DLG5: variants seen among roughly 807,000 people sequenced by gnomAD.
The protein encoded by DLG5 is disks large homolog 5.
A neutral mutation model predicts 189.8 loss-of-function variants in DLG5; 48 were observed. That is an observed-to-expected ratio of 0.25 (90% CI 0.20 to 0.32). DLG5 has a LOEUF of 0.32. DLG5 is among the 10% of genes least tolerant of loss of function. The pLI is 1.00. For synonymous variants in DLG5, 1,016 were observed against 1,054.1 expected, an observed-to-expected ratio of 0.96 and a Z score of 0.70; for missense variants, 2,160 against 2,544.7, an observed-to-expected ratio of 0.85 and a Z score of 3.25.
chr10:77,798,673 C>T (rs1004407897), intron 27 of DLG5, among the ~76,000 whole-genome samples: 1 of 152,172 alleles, frequency 6.6e-6, no homozygotes, highest in East Asian at 1.9e-4. Flanking sequence ...GGTGATTCGT[C>T]GTGGGCCGCT....
chr10:77,838,013 G>A lies in DLG5; in HGVS notation c.1438-2091C>T, dbSNP rs559152890. On this transcript the variant is annotated intron_variant, in intron 7 of 31. Transcript: ENST00000372391. The stretch of plus-strand genomic sequence containing the variant: ...TGGTGCCCCTGAGCAGATGGCTCTC[G>A]GGTGAGGGCACCTCCCTCTGCTTCC... 4.6e-5 allele frequency among the ~76,000 whole-genome samples: 7 copies of A among 152,274 alleles called. No homozygotes were observed. In the South Asian group the frequency reaches 1.2e-3, roughly 27 times the overall value.
Position 77,809,529 on chromosome 10 carries a change from C to A in DLG5, c.4647+18G>T. The A allele has an allele frequency of 6.2e-7, 1 of 1,604,062 alleles. No individual in the cohort carries two copies. ...CAGGTAGATGGAGGCCTGGCCTGCT[C>A]AGCAGCTCAGAACTCACCTCCAGGA... On this transcript the variant is annotated intron_variant, in intron 24 of 31. Transcript: ENST00000372391.
intron 1 of DLG5, among the ~76,000 whole-genome samples, chr10:77,876,467 C>G (rs1218887148): frequency 6.6e-6 from 1 of 151,828 alleles, no homozygotes; most frequent in Middle Eastern, 3.4e-3. Flanking sequence ...CTCCACCTCC[C>G]AGGTTCAAGC....
At position 77,821,194 on chromosome 10, in the gene DLG5, T is replaced by C. The variant is rs781210897; in HGVS notation, c.3290A>G (p.Asp1097Gly). Reference sequence around the variant, plus strand: ...CTCATCCACCTTCTGGGAGGTGAGGTCCTCATCACAGGATTTCTTGGCCGG... The same window carrying C: ...CTCATCCACCTTCTGGGAGGTGAGGCCCTCATCACAGGATTTCTTGGCCGG... The part of the protein sequence containing the change: ...HLPAKKSCDE[D>G]LTSQKVDELG... The change falls in exon 15 of 32, where the codon GAC (aspartate) becomes GGC (glycine). Residue 1097 changes from aspartate (D) to glycine (G), a missense_variant. Physicochemically the swap from Asp to Gly is moderately conservative, Grantham distance 94. Transcript: ENST00000372391. 1 of 1,614,006 alleles carries C rather than the reference T, an allele frequency of 6.2e-7. No homozygotes were observed. Among genetic ancestry groups the C allele is most frequent in the South Asian group, 1.1e-5 (1 of 91,074 alleles).
intron 1 of DLG5, among the ~76,000 whole-genome samples, chr10:77,883,937 G>C (rs934857810): frequency 1.3e-5 from 2 of 152,144 alleles, no homozygotes; most frequent in African/African-American, 4.8e-5. Context: ...GACCTCAGGG[G>C]ATTCACCCAC....
chr10:77,845,728 T>C (rs1474136275), intron 5 of DLG5, among the ~76,000 whole-genome samples: 1 of 152,064 alleles, frequency 6.6e-6, no homozygotes, highest in Non-Finnish European at 1.5e-5. Flanking sequence ...CCTTTATTTA[T>C]TTTTAAAGCA....
Position 77,833,918 on chromosome 10 carries a change from G to A in DLG5, c.1744C>T (p.Leu582Phe), listed in dbSNP as rs910595949. ...CGGGTGCCCACCCGAGCCTACTTGA[G>A]CTCCTTCAGCTCGCGGCTGACATCA... ...KNDVSRELKE[L>F]KEQMESQLEK... The change falls in exon 9 of 32, where the codon CTC becomes TTC. Residue 582 changes from leucine to phenylalanine, a missense_variant. Around this residue, in one of 5 missense-constraint regions of DLG5, gnomAD observed 664 missense variants for 838.5 expected, o/e 0.79. Transcript: ENST00000372391. 6.2e-7 allele frequency: 1 copy of A among 1,606,232 alleles called. No homozygotes were observed. Among genetic ancestry groups the A allele is most frequent in the African/African-American group, 1.3e-5 (1 of 74,912 alleles).
At chr10:77,906,681 G>A (rs1846079691) in intron 1 of DLG5, among the ~76,000 whole-genome samples, 1 of 142,646 alleles carries the variant, frequency 7.0e-6, no homozygotes, top group Admixed American at 7.4e-5. Context: ...CTGGAGTGCA[G>A]TGGCACAATC....
In DLG5 at chr10:77,811,958, G is replaced by A. The variant is rs540247706; in HGVS notation, c.4288C>T (p.His1430Tyr). 1.2e-6 allele frequency: 2 copies of A among 1,609,132 alleles called. No homozygotes were observed. The highest frequency in any genetic ancestry group is 1.7e-5 in the Admixed American group (1 of 60,006). Residue 1430 changes from histidine (H) to tyrosine (Y), a missense_variant, in exon 22 of 32, where the codon CAC (histidine) becomes TAC (tyrosine). This residue lies in a region of DLG5 where 574 missense variants were observed against 644.2 expected (regional missense o/e 0.89). Coordinates refer to ENST00000372391, the MANE Select transcript of DLG5 (RefSeq NM_004747.4). ...GAGTGGCTGCTGAGCTGGTGCACGT[G>A]GGGGTTGTACTGGGCCAGGATGGTG... ...TITILAQYNP[H>Y]VHQLSSHSRS...
chr10:77,896,727 G>A (rs1233524826), intron 1 of DLG5, among the ~76,000 whole-genome samples: 1 of 151,862 alleles, frequency 6.6e-6, no homozygotes, highest in Non-Finnish European at 1.5e-5. Context: ...GCTGAGGCAG[G>A]AGAATCGCTT....
rs979290167 is a variant in DLG5 at position 77,820,740 on chromosome 10, A to G, written c.3402+342T>C. On this transcript the variant is annotated intron_variant, in intron 15 of 31. Transcript: ENST00000372391. ...ACGCAATCAGGCCGTCCCGCTGCCC[A>G]CTCAGCCTCACACGTGCCACCTCAT... 26 of 308,116 alleles carry G rather than the reference A, an allele frequency of 8.4e-5. No homozygotes were observed. In the East Asian group the frequency reaches 1.4e-3, roughly 17 times the overall value. 19.1% of individuals were successfully genotyped at this position (308,116 alleles called of 1,614,324 possible).
At chr10:77,850,409 T>C (rs990302153) in intron 5 of DLG5, among the ~76,000 whole-genome samples, 7 of 152,264 alleles carry the variant, frequency 4.6e-5, no homozygotes, top group Non-Finnish European at 8.8e-5. Flanking sequence ...AATATTCCAT[T>C]GTATGGATAG....
intron 11 of DLG5, among the ~76,000 whole-genome samples, chr10:77,829,815 T>C (rs1428265297): frequency 6.6e-6 from 1 of 152,226 alleles, no homozygotes; most frequent in Non-Finnish European, 1.5e-5. Context: ...GCCTACCTTG[T>C]AGGATTGTAA....
chr10:77,904,487 T>C (rs1303097485), intron 1 of DLG5, among the ~76,000 whole-genome samples: 3 of 152,190 alleles, frequency 2.0e-5, no homozygotes, highest in African/African-American at 4.8e-5. Context: ...GCTGTGTCCC[T>C]ATTCAAATCT....
At position 77,924,840 on chromosome 10, in the gene DLG5, TCTCTGTCA is replaced by T. The variant is rs956385112; in HGVS notation, c.304+1369_304+1376del. On this transcript the variant is annotated intron_variant, in intron 1 of 31. Transcript: ENST00000372391. The stretch of plus-strand genomic sequence containing the variant: ...CTGCTGTGTGGCCAGCAATTTAGTC[TCTCTGTCA>T]GTTTCCTGCAGCTACAAAAATTGAG... Among the ~76,000 whole-genome samples, 46 of 100,768 alleles carry T rather than the reference TCTCTGTCA, an allele frequency of 4.6e-4. No homozygotes were observed. In the Middle Eastern group the frequency reaches 0.021, roughly 46 times the overall value. 66.1% of individuals were successfully genotyped at this position (100,768 alleles called of 152,430 possible).
chr10:77,812,075 T>A lies in DLG5; in HGVS notation c.4189-18A>T. 1 of 1,607,498 alleles carries A rather than the reference T, an allele frequency of 6.2e-7. No homozygotes were observed. The highest frequency in any genetic ancestry group is 8.5e-7 in the Non-Finnish European group (1 of 1,179,622). ...CCGTTGAACTGGGGAAACACCAGGA[T>A]GGGCTCAGTGGGGGGGTCGGGGCTG... On this transcript the variant is annotated intron_variant, in intron 21 of 31. Coordinates refer to ENST00000372391, the MANE Select transcript of DLG5 (RefSeq NM_004747.4).
At chr10:77,893,305 G>T (rs566095091) in intron 1 of DLG5, among the ~76,000 whole-genome samples, 1 of 152,322 alleles carries the variant, frequency 6.6e-6, no homozygotes, top group Non-Finnish European at 1.5e-5. Context: ...ACTGTCAGGG[G>T]ACAAAGGTAT....
chr10:77,869,132 C>T lies in DLG5; in HGVS notation c.370G>A (p.Val124Met), dbSNP rs760044896. The change falls in exon 2 of 32, where the codon GTG (valine) becomes ATG (methionine). Residue 124 changes from valine to methionine, a missense_variant. Around this residue, in one of 5 missense-constraint regions of DLG5, gnomAD observed 664 missense variants for 838.5 expected, o/e 0.79. Transcript: ENST00000372391. The stretch of plus-strand genomic sequence containing the variant: ...CTCCCCAGACAGTGGTACTCACCCA[C>T]ACTGCTGAGGGAGCTGCTGCTTTCT... ...DSESSSSLSS[V>M]GTTGKAPSPP... 1 of 1,613,756 alleles carries T rather than the reference C, an allele frequency of 6.2e-7. No homozygotes were observed. Among genetic ancestry groups the T allele is most frequent in the African/African-American group, 1.3e-5 (1 of 74,860 alleles).
At chr10:77,934,897 G>A in the DLG5 span, among the ~76,000 whole-genome samples, 490 of 139,716 alleles carry the variant, frequency 3.5e-3, 2 homozygotes, top group South Asian at 0.018. Flanking sequence ...TTGCTCTGTC[G>A]CCTAGGCTGG....
Sources: allele counts gnomAD v4.1 joint callset (sites outside exome capture counted in the v4.1 genomes callset), GRCh38; gene constraint gnomAD v4.1.1; regional missense constraint gnomAD v4.1.1; transcripts MANE v1.5; gene names NCBI Gene and HGNC (gene_info 2026-07-23, HGNC 2026-07-21).